COL4A5: variants seen among roughly 807,000 people sequenced by gnomAD.
COL4A5 encodes collagen alpha-5(IV) chain.
COL4A5 carries 26 observed loss-of-function variants against 130.2 expected under a neutral mutation model. The observed-to-expected ratio is 0.20, with a 90% CI of 0.15 to 0.28. The LOEUF (loss-of-function observed/expected upper bound fraction) is 0.28. COL4A5 is among the 10% of genes least tolerant of loss of function. The pLI, the probability that COL4A5 is intolerant of heterozygous loss-of-function variation, is 1.00. For missense variants in COL4A5, 1,131 were observed against 1,344.3 expected, an observed-to-expected ratio of 0.84 and a Z score of 2.48; for synonymous variants, 496 against 439.6, an observed-to-expected ratio of 1.13 and a Z score of -1.60.
At chrX:108,527,618 C>T (rs2065339741) in intron 1 of COL4A5, among the ~76,000 whole-genome samples, 1 of 111,850 alleles carries the variant, frequency 8.9e-6, no homozygotes, top group Non-Finnish European at 1.9e-5. Flanking sequence ...CTGAACACTC[C>T]ACCTGGATAC....
chrX:108,547,915 G>A (rs761350830), intron 2 of COL4A5, among the ~76,000 whole-genome samples: 106 of 112,052 alleles, frequency 9.5e-4, no homozygotes, highest in African/African-American at 3.2e-3. Flanking sequence ...AGCCAGGCAC[G>A]GGATATAATC....
intron 36 of COL4A5, among the ~76,000 whole-genome samples, chrX:108,637,571 G>A (rs1308500517): frequency 9.0e-6 from 1 of 111,478 alleles, no homozygotes; most frequent in African/African-American, 3.3e-5. Flanking sequence ...AAGAAAAAGA[G>A]AGAAGACTCA....
intron 36 of COL4A5, among the ~76,000 whole-genome samples, chrX:108,647,405 T>G (rs886350441): frequency 4.5e-5 from 5 of 111,560 alleles, no homozygotes; most frequent in Non-Finnish European, 9.4e-5. Context: ...TGTATAAGAA[T>G]GCTTGTGATT....
chrX:108,570,808 A>G (rs2066052690), intron 6 of COL4A5, among the ~76,000 whole-genome samples: 1 of 111,639 alleles, frequency 9.0e-6, no homozygotes, highest in Non-Finnish European at 1.9e-5. Context: ...ATTTGAAAGG[A>G]GGTTGCTTTG....
intron 1 of COL4A5, among the ~76,000 whole-genome samples, chrX:108,528,849 G>C (rs1021305898): frequency 8.9e-6 from 1 of 112,092 alleles, no homozygotes; most frequent in Non-Finnish European, 1.9e-5. Flanking sequence ...AAAAATTATT[G>C]TTAGCCCCAA....
chrX:108,441,667 C>G (rs2064400809), intron 1 of COL4A5, among the ~76,000 whole-genome samples: 1 of 112,140 alleles, frequency 8.9e-6, no homozygotes, highest in African/African-American at 3.2e-5. Flanking sequence ...GTCAATAGGG[C>G]TACAGACTTG....
At chrX:108,478,435 C>G (rs758163383) in intron 1 of COL4A5, among the ~76,000 whole-genome samples, 1 of 111,506 alleles carries the variant, frequency 9.0e-6, no homozygotes, top group Non-Finnish European at 1.9e-5. Context: ...CACTTCCACC[C>G]CTTGATTCCT....
At chrX:108,498,586 A>C (rs1234352088) in intron 1 of COL4A5, among the ~76,000 whole-genome samples, 1 of 111,366 alleles carries the variant, frequency 9.0e-6, no homozygotes, top group African/African-American at 3.3e-5. Context: ...TTTTGGGAAG[A>C]TTGTTAACTG....
intron 1 of COL4A5, among the ~76,000 whole-genome samples, chrX:108,495,732 C>T (rs1345913576): frequency 3.6e-5 from 4 of 112,007 alleles, no homozygotes; most frequent in Admixed American, 9.4e-5. Context: ...TAGGATGACC[C>T]GTTCTATGGA....
intron 1 of COL4A5, among the ~76,000 whole-genome samples, chrX:108,493,217 G>A (rs190906839): frequency 1.8e-5 from 2 of 111,754 alleles, no homozygotes; most frequent in Non-Finnish European, 3.8e-5. Flanking sequence ...AATTCAATAA[G>A]TGAGTCTGGC....
intron 1 of COL4A5, among the ~76,000 whole-genome samples, chrX:108,529,759 C>T (rs1001319422): frequency 1.8e-5 from 2 of 109,375 alleles, no homozygotes; most frequent in African/African-American, 3.3e-5. Flanking sequence ...AATAGCTATA[C>T]CTATATCAGA....
At chrX:108,511,793 G>A (rs913420515) in intron 1 of COL4A5, among the ~76,000 whole-genome samples, 1 of 111,805 alleles carries the variant, frequency 8.9e-6, no homozygotes, top group Non-Finnish European at 1.9e-5. Context: ...CCTACCTTAT[G>A]CCAAATTTAA....
chrX:108,664,243 A>C (rs2068027589), intron 37 of COL4A5, among the ~76,000 whole-genome samples: 2 of 112,270 alleles, frequency 1.8e-5, no homozygotes, highest in African/African-American at 6.5e-5. Flanking sequence ...AATGAAACAG[A>C]ATTTGGAGGA....
chrX:108,577,418 C>T (rs1447466863), intron 10 of COL4A5, among the ~76,000 whole-genome samples: 1 of 103,470 alleles, frequency 9.7e-6, no homozygotes, highest in Non-Finnish European at 2.0e-5. Context: ...AGAAATGCCA[C>T]CAAGATACAA....
chrX:108,502,873 T>C (rs1049576316), intron 1 of COL4A5, among the ~76,000 whole-genome samples: 2 of 111,865 alleles, frequency 1.8e-5, no homozygotes, highest in African/African-American at 6.5e-5. Context: ...TCACCCAAAT[T>C]CGCGTTCCTA....
rs377222743 is a variant in COL4A5 at position 108,568,798 on chromosome X, A to G, written c.361A>G (p.Ile121Val). The G allele has an allele frequency of 3.3e-6, 4 of 1,208,725 alleles. No individual in the cohort carries two copies. Among genetic ancestry groups the G allele is most frequent in the South Asian group, 1.8e-5 (1 of 56,744 alleles). Reference protein sequence around the residue: ...GHDGAPGPQGIPGCNGTKGER... With the variant: ...GHDGAPGPQGVPGCNGTKGER... ...CGATGGGGCCCCAGGACCTCAAGGT[A>G]TTCCCGGATGCAATGGAACCAAGGT... Residue 121 changes from isoleucine (I) to valine (V), a missense_variant, in exon 6 of 53, where the codon ATT becomes GTT. By Grantham distance (29) the Ile-to-Val change is conservative. Coordinates refer to ENST00000328300, the MANE Select transcript of COL4A5 (RefSeq NM_033380.3).
At chrX:108,468,195 T>A (rs1418692292) in intron 1 of COL4A5, among the ~76,000 whole-genome samples, 2 of 112,079 alleles carry the variant, frequency 1.8e-5, no homozygotes, top group East Asian at 5.6e-4. Context: ...AATTTCCCAC[T>A]TGTGGCATCT....
chrX:108,484,724 C>A (rs1300951464), intron 1 of COL4A5, among the ~76,000 whole-genome samples: 1 of 112,628 alleles, frequency 8.9e-6, no homozygotes, highest in Non-Finnish European at 1.9e-5. Flanking sequence ...TGGCCACCAC[C>A]CCTGGGATTG....
At chrX:108,552,432 A>G (rs2065766461) in intron 2 of COL4A5, among the ~76,000 whole-genome samples, 3 of 111,753 alleles carry the variant, frequency 2.7e-5, no homozygotes, top group African/African-American at 9.8e-5. Context: ...CCAATTTGGG[A>G]ATATTATGAA....
Sources: allele counts gnomAD v4.1 joint callset (sites outside exome capture counted in the v4.1 genomes callset), GRCh38; gene constraint gnomAD v4.1.1; transcripts MANE v1.5; gene names NCBI Gene and HGNC (gene_info 2026-07-23, HGNC 2026-07-21).